DPP10: variants seen among roughly 807,000 people sequenced by gnomAD.
DPP10 encodes the protein inactive dipeptidyl peptidase 10.
A neutral mutation model predicts 120.9 loss-of-function variants in DPP10; 33 were observed. The observed-to-expected ratio is 0.27, with a 90% CI of 0.21 to 0.37. The LOEUF (loss-of-function observed/expected upper bound fraction) is 0.37. Among genes scored for constraint, DPP10 ranks in the 10% least tolerant of loss-of-function variants. DPP10 has a pLI of 1.00. For synonymous variants in DPP10, 337 were observed against 326.1 expected, an observed-to-expected ratio of 1.03 and a Z score of -0.36; for missense variants, 816 against 942.8, an observed-to-expected ratio of 0.87 and a Z score of 1.76.
chr2:115,396,228 CT>C (rs2067667607), intron 3 of DPP10, among the ~76,000 whole-genome samples: 1 of 152,124 alleles, frequency 6.6e-6, no homozygotes, highest in South Asian at 2.1e-4. Flanking sequence ...AGTGTTCCCC[CT>C]GTGCCTTTTC....
Position 115,646,114 on chromosome 2 carries a change from A to T in DPP10, c.442-43573A>T, listed in dbSNP as rs58133479. On this transcript the variant is annotated intron_variant, in intron 5 of 25. Coordinates refer to ENST00000410059, the MANE Select transcript of DPP10 (RefSeq NM_020868.6). ...CACATGCACGTGCGTGCGCGCACAC[A>T]CACACACACACTTCTTTGCCCTCTT... Among the ~76,000 whole-genome samples, 945 of 152,044 alleles carry T rather than the reference A, an allele frequency of 6.2e-3. 11 individuals are homozygous for T. The highest frequency in any genetic ancestry group is 0.022 in the African/African-American group (907 of 41,418).
chr2:115,132,372 G>T (rs1420973171), intron 1 of DPP10, among the ~76,000 whole-genome samples: 2 of 152,126 alleles, frequency 1.3e-5, no homozygotes, highest in South Asian at 2.1e-4. Flanking sequence ...GAAAGGGAAG[G>T]CCTGGCCGCA....
At chr2:115,763,615 A>G (rs1306764895) in intron 12 of DPP10, among the ~76,000 whole-genome samples, 1 of 152,114 alleles carries the variant, frequency 6.6e-6, no homozygotes. Flanking sequence ...TCTCTAATTC[A>G]CAAACACTGT....
rs1559227931 is a variant in DPP10 at position 115,840,328 on chromosome 2, T to TTG, written c.2183-421_2183-420insGT. The stretch of plus-strand genomic sequence containing the variant: ...GATATAAGGTTTTTTGGTTTTTTTT[T>TTG]TTTTTTTTTTTTTGAGACGGAGTCT... On this transcript the variant is annotated intron_variant, in intron 24 of 25. Coordinates refer to ENST00000410059, the MANE Select transcript of DPP10 (RefSeq NM_020868.6). Among the ~76,000 whole-genome samples the TTG allele has an allele frequency of 1.8e-4, 22 of 119,582 alleles. 1 individual carries two copies. Among genetic ancestry groups the TTG allele is most frequent in the Non-Finnish European group, 3.7e-4 (21 of 57,078 alleles). 78.5% of individuals were successfully genotyped at this position (119,582 alleles called of 152,430 possible). A position where few individuals can be genotyped will look rare whatever the true frequency, so the allele number is the denominator to read the frequency against.
At chr2:114,669,404 T>TG (rs938373576) in intron 1 of DPP10, among the ~76,000 whole-genome samples, 2 of 152,142 alleles carry the variant, frequency 1.3e-5, no homozygotes, top group African/African-American at 4.8e-5. Context: ...AATAAAAACC[T>TG]GGGAATTAAG....
chr2:114,935,917 G>A (rs1696428549), intron 1 of DPP10, among the ~76,000 whole-genome samples: 1 of 151,716 alleles, frequency 6.6e-6, no homozygotes, highest in Non-Finnish European at 1.5e-5. Context: ...ATCTCCAAAG[G>A]TGAGGTTTTC....
chr2:114,894,533 A>ATGTT (rs1435016354), intron 1 of DPP10, among the ~76,000 whole-genome samples: 1 of 152,194 alleles, frequency 6.6e-6, no homozygotes, highest in Non-Finnish European at 1.5e-5. Flanking sequence ...GGAATATTAA[A>ATGTT]TGTTTATTTA....
chr2:115,689,307 G>A (rs1011834843), intron 5 of DPP10, among the ~76,000 whole-genome samples: 2 of 152,058 alleles, frequency 1.3e-5, no homozygotes, highest in Non-Finnish European at 2.9e-5. Flanking sequence ...AAGTATAGAC[G>A]ATGTAAAGAG....
Position 114,963,013 on chromosome 2 carries a change from G to A in DPP10, c.61-346226G>A, listed in dbSNP as rs372817888. 3.0e-4 allele frequency among the ~76,000 whole-genome samples: 45 copies of A among 152,228 alleles called. No individual in the cohort carries two copies. In the South Asian group the frequency reaches 8.1e-3, roughly 27 times the overall value. On this transcript the variant is annotated intron_variant, in intron 1 of 25. Transcript: ENST00000410059. ...CTGTTACAAATTTGTACAACAGAAA[G>A]AATTAAAATGTCACAAGATATATTT...
At chr2:115,007,282 A>G (rs1359696686) in intron 1 of DPP10, among the ~76,000 whole-genome samples, 2 of 152,234 alleles carry the variant, frequency 1.3e-5, no homozygotes, top group Non-Finnish European at 2.9e-5. Flanking sequence ...ACGCAAATCA[A>G]TAAATCTAAT....
chr2:115,669,193 A>G lies in DPP10; in HGVS notation c.442-20494A>G, dbSNP rs183740838. 1.5e-3 allele frequency among the ~76,000 whole-genome samples: 229 copies of G among 152,252 alleles called. 1 individual carries two copies. The highest frequency in any genetic ancestry group is 3.3e-3 in the South Asian group (16 of 4,826). On this transcript the variant is annotated intron_variant, in intron 5 of 25. Transcript: ENST00000410059. Reference sequence around the variant, plus strand: ...TGGGAATGCTATTAGCAAAAGGTGTACATTTGGTTTTGGCTATCAGTTGAG... The same window carrying G: ...TGGGAATGCTATTAGCAAAAGGTGTGCATTTGGTTTTGGCTATCAGTTGAG...
At chr2:114,673,190 C>G (rs1698457418) in intron 1 of DPP10, among the ~76,000 whole-genome samples, 2 of 152,164 alleles carry the variant, frequency 1.3e-5, no homozygotes, top group Non-Finnish European at 2.9e-5. Context: ...CTCACCACCT[C>G]CAGACTAACT....
chr2:115,530,109 G>A (rs2078370836), intron 5 of DPP10, among the ~76,000 whole-genome samples: 1 of 151,832 alleles, frequency 6.6e-6, no homozygotes, highest in African/African-American at 2.4e-5. Context: ...AATAACTGGA[G>A]GTGAAAGAAT....
In DPP10 at chr2:114,941,512, T is replaced by C. The variant is rs373400409; in HGVS notation, c.61-367727T>C. Among the ~76,000 whole-genome samples, 49 of 152,348 alleles carry C rather than the reference T, an allele frequency of 3.2e-4. No homozygotes were observed. In the South Asian group the frequency reaches 8.5e-3, roughly 26 times the overall value. The stretch of plus-strand genomic sequence containing the variant: ...AGATTATTTTCTAGGTATTACACTA[T>C]TGGGGATACATTGCTAATAAGCATA... On this transcript the variant is annotated intron_variant, in intron 1 of 25. Coordinates refer to ENST00000410059, the MANE Select transcript of DPP10 (RefSeq NM_020868.6).
chr2:115,148,267 G>A (rs2051340800), intron 1 of DPP10, among the ~76,000 whole-genome samples: 2 of 152,126 alleles, frequency 1.3e-5, no homozygotes, highest in African/African-American at 4.8e-5. Flanking sequence ...TCAACAAATA[G>A]ACCACAATCT....
intron 1 of DPP10, among the ~76,000 whole-genome samples, chr2:115,101,271 G>A (rs1272640281): frequency 1.3e-5 from 2 of 152,060 alleles, no homozygotes; most frequent in Non-Finnish European, 2.9e-5. Flanking sequence ...CTTATGGCTG[G>A]ATGAGACTCT....
At chr2:115,826,066 G>A (rs563942010) in intron 21 of DPP10, among the ~76,000 whole-genome samples, 1 of 152,298 alleles carries the variant, frequency 6.6e-6, no homozygotes, top group Non-Finnish European at 1.5e-5. Context: ...TTAAAGCAGA[G>A]GAAACATCAT....
chr2:115,235,345 A>G (rs1169952483), intron 1 of DPP10, among the ~76,000 whole-genome samples: 1 of 152,188 alleles, frequency 6.6e-6, no homozygotes, highest in Non-Finnish European at 1.5e-5. Context: ...AGTATTTTCC[A>G]TCTGAGTTAC....
intron 11 of DPP10, among the ~76,000 whole-genome samples, chr2:115,754,701 A>T (rs1183382126): frequency 2.0e-5 from 3 of 152,250 alleles, no homozygotes; most frequent in South Asian, 2.1e-4. Context: ...TCAATACTAT[A>T]TATGTAGAAA....
Sources: allele counts gnomAD v4.1 joint callset (sites outside exome capture counted in the v4.1 genomes callset), GRCh38; gene constraint gnomAD v4.1.1; transcripts MANE v1.5; gene names NCBI Gene and HGNC (gene_info 2026-07-23, HGNC 2026-07-21).